Variants in ZNF536 observed in about 807,000 individuals in gnomAD.
The protein encoded by ZNF536 is zinc finger protein 536.
Under a neutral mutation model 84.5 loss-of-function variants are expected in ZNF536, and 13 were observed. The ratio of observed to expected loss-of-function variants is 0.15; its 90% CI spans 0.10 to 0.24. The LOEUF (loss-of-function observed/expected upper bound fraction) is 0.24. Ranked by LOEUF, ZNF536 falls within the 10% of genes least tolerant of loss-of-function variation. The pLI, the probability that ZNF536 is intolerant of heterozygous loss-of-function variation, is 1.00. For missense variants in ZNF536, 1,536 were observed against 1,747.5 expected (o/e 0.88, Z 2.16); for synonymous variants, 811 against 742.5 (o/e 1.09, Z -1.50).
At chr19:30,481,112 G>T (rs542901543) in intron 2 of ZNF536, among the ~76,000 whole-genome samples, 4 of 151,742 alleles carry the variant, frequency 2.6e-5, no homozygotes, top group African/African-American at 9.7e-5. Context: ...TTTCATTAAA[G>T]ATAAGATCAT....
intron 1 of ZNF536, among the ~76,000 whole-genome samples, chr19:30,682,391 T>G (rs1014381546): frequency 1.3e-5 from 2 of 152,200 alleles, no homozygotes; most frequent in African/African-American, 4.8e-5. Context: ...ACATTTGTGC[T>G]GGTCGCGCGT....
At chr19:30,325,849 G>T (rs1028297994) in intron 2 of ZNF536, among the ~76,000 whole-genome samples, 1 of 152,156 alleles carries the variant, frequency 6.6e-6, no homozygotes, top group African/African-American at 2.4e-5. Flanking sequence ...TGGGCTGCCC[G>T]GCTGTGCCAC....
chr19:30,234,744 TACACACACACACACAC>T lies in ZNF536; in HGVS notation c.-190+6086_-190+6101del, dbSNP rs111232052. The stretch of plus-strand genomic sequence containing the variant: ...GCTTTTTGTTGCTTTATTACTAAAT[TACACACACACACACAC>T]ACACACACACACACGCGCACACGCA... On this transcript the variant is annotated intron_variant, in intron 1 of 5. Transcript: ENST00000585628. 4.1e-4 allele frequency among the ~76,000 whole-genome samples: 60 copies of T among 147,742 alleles called. No individual in the cohort carries two copies. The East Asian group carries it at 0.01, about 26-fold the overall frequency.
chr19:30,533,519 CAA>C (rs111353893), intron 2 of ZNF536, among the ~76,000 whole-genome samples: 59 of 119,168 alleles, frequency 5.0e-4, no homozygotes, highest in African/African-American at 4.5e-4. Flanking sequence ...GACGCTGTCT[CAA>C]AAAAAAAAAA....
intron 1 of ZNF536, among the ~76,000 whole-genome samples, chr19:30,438,977 C>G (rs932527971): frequency 6.6e-5 from 10 of 152,136 alleles, no homozygotes; most frequent in Non-Finnish European, 1.0e-4. Flanking sequence ...TCCAACAGGT[C>G]TTATCGTTTG....
At chr19:30,328,489 A>G (rs1431120258) in intron 2 of ZNF536, among the ~76,000 whole-genome samples, 4 of 152,174 alleles carry the variant, frequency 2.6e-5, no homozygotes, top group African/African-American at 4.8e-5. Context: ...GTTCTCCATC[A>G]TGGCCAGAGG....
At chr19:30,556,793 T>C (rs1457790360) in intron 4 of ZNF536, 1 of 179,010 alleles carries the variant, frequency 5.6e-6, no homozygotes, top group African/African-American at 2.4e-5. Context: ...TTAGTTGCTA[T>C]GTCCATATTC....
rs551316367 is a variant in ZNF536 at position 30,457,304 on chromosome 19, G to A, written c.2170+11572G>A. On this transcript the variant is annotated intron_variant, in intron 2 of 4. Transcript: ENST00000355537. The stretch of plus-strand genomic sequence containing the variant: ...TCTGTAGAATTAGGCCAATCCTGGT[G>A]ACTTCCTGGAGGAAGCAGACAAGTC... Among the ~76,000 whole-genome samples, 5 of 152,364 alleles carry A rather than the reference G, an allele frequency of 3.3e-5. No individual in the cohort carries two copies. In the East Asian group the frequency reaches 7.7e-4, roughly 24 times the overall value.
intron 1 of ZNF536, among the ~76,000 whole-genome samples, chr19:30,652,573 C>T (rs1446851853): frequency 1.3e-5 from 2 of 152,112 alleles, no homozygotes; most frequent in African/African-American, 4.8e-5. Context: ...TCCTGAGGCC[C>T]CCATGGATGC....
chr19:30,583,549 C>G (rs975525008), intron 1 of ZNF536, among the ~76,000 whole-genome samples: 1 of 152,174 alleles, frequency 6.6e-6, no homozygotes, highest in Non-Finnish European at 1.5e-5. Context: ...CACCCAGATG[C>G]TTAAGAAGTG....
At chr19:30,415,595 GTCATCA>G (rs35189422) in intron 1 of ZNF536, among the ~76,000 whole-genome samples, 10 of 150,118 alleles carry the variant, frequency 6.7e-5, no homozygotes, top group Non-Finnish European at 1.2e-4. Context: ...CATCGTCATC[GTCATCA>G]TCATCATCAT....
chr19:30,485,597 T>TTTC (rs753975970), intron 2 of ZNF536, among the ~76,000 whole-genome samples: 8 of 135,570 alleles, frequency 5.9e-5, no homozygotes, highest in Admixed American at 1.4e-4. Context: ...TGGATCTTTT[T>TTTC]TTCTTCTTTT....
chr19:30,476,234 G>T (rs1431232944), intron 2 of ZNF536, among the ~76,000 whole-genome samples: 1 of 152,112 alleles, frequency 6.6e-6, no homozygotes, highest in African/African-American at 2.4e-5. Context: ...GCGCACCTGG[G>T]ACCCCTGAAT....
intron 2 of ZNF536, among the ~76,000 whole-genome samples, chr19:30,318,044 A>G (rs1314403018): frequency 6.6e-6 from 1 of 152,194 alleles, no homozygotes; most frequent in East Asian, 1.9e-4. Context: ...CCGTCTCCAC[A>G]GTGGCACGCA....
intron 1 of ZNF536, among the ~76,000 whole-genome samples, chr19:30,597,905 ATTG>A (rs1027802297): frequency 4.6e-5 from 7 of 151,798 alleles, no homozygotes; most frequent in Non-Finnish European, 5.9e-5. Flanking sequence ...TTATTTTGAC[ATTG>A]TTGTTGTATG....
intron 2 of ZNF536, among the ~76,000 whole-genome samples, chr19:30,526,439 C>T (rs1022602400): frequency 2.0e-5 from 3 of 151,570 alleles, no homozygotes; most frequent in Admixed American, 6.6e-5. Flanking sequence ...AGAACAGGTT[C>T]AGGGGCCGGG....
chr19:30,635,933 C>T lies in ZNF536; in HGVS notation c.170-74824C>T, dbSNP rs537494769. 8.1e-4 allele frequency among the ~76,000 whole-genome samples: 124 copies of T among 152,332 alleles called. 1 individual carries two copies. The highest frequency in any genetic ancestry group is 1.3e-3 in the Non-Finnish European group (90 of 68,024). The stretch of plus-strand genomic sequence containing the variant: ...CTGAGCTGTGGCTGCAGGCTCTCCC[C>T]GGGTACTCCAGCTGATGGGTGCCCC... On this transcript the variant is annotated intron_variant, in intron 1 of 1. Coordinates refer to the ZNF536 transcript ENST00000592773.
Position 30,346,795 on chromosome 19 carries a change from G to T in ZNF536, c.-119-5573G>T, listed in dbSNP as rs139877023. Among the ~76,000 whole-genome samples the T allele has an allele frequency of 3.9e-3, 592 of 152,302 alleles. 4 individuals are homozygous for T. The highest frequency in any genetic ancestry group is 0.013 in the African/African-American group (560 of 41,554). On this transcript the variant is annotated intron_variant, in intron 2 of 5. Transcript: ENST00000585628. ...TGAGTTTGCTATTGTAAATAATGCT[G>T]CAATGAACATACGCATACATGTCTC...
At chr19:30,286,463 C>A (rs900320086) in intron 2 of ZNF536, among the ~76,000 whole-genome samples, 2 of 149,252 alleles carry the variant, frequency 1.3e-5, no homozygotes, top group African/African-American at 2.5e-5. Context: ...GGTGGGGGAG[C>A]AAGGAGAGAT....
Sources: gnomAD v4.1 joint callset for allele counts (sites outside exome capture counted in the v4.1 genomes callset) on GRCh38, gnomAD v4.1.1 for gene constraint, MANE v1.5 for transcripts, NCBI Gene and HGNC (gene_info 2026-07-23, HGNC 2026-07-21) for gene names.